The following CR1L variants were observed in gnomAD, a reference collection of about 807,000 sequenced individuals.
The protein encoded by CR1L is complement C3b/C4b receptor 1 like, also known as complement component receptor 1-like protein.
CR1L carries 59 observed loss-of-function variants against 62.3 expected under a neutral mutation model. That is an observed-to-expected ratio of 0.95 (90% CI 0.77 to 1.18). The LOEUF (loss-of-function observed/expected upper bound fraction) is 1.18, where lower values mean the gene tolerates loss of function less well. Ranked by LOEUF, CR1L falls within the 50% of genes most tolerant of loss-of-function variation. The pLI, the probability that CR1L is intolerant of heterozygous loss-of-function variation, is 0.00. For missense variants in CR1L, 700 were observed against 702.8 expected, an observed-to-expected ratio of 1.00 and a Z score of 0.04; for synonymous variants, 279 against 248.7, an observed-to-expected ratio of 1.12 and a Z score of -1.15.
chr1:207,653,134 TG>T, intron 1 of CR1L: 1 of 174,344 alleles, frequency 5.7e-6, no homozygotes, highest in Non-Finnish European at 1.2e-5. Flanking sequence ...TCCTTGCAAA[TG>T]GGACTTATGA....
At chr1:207,672,378 G>C (rs897346233) in intron 1 of CR1L, among the ~76,000 whole-genome samples, 2 of 144,268 alleles carry the variant, frequency 1.4e-5, no homozygotes, top group Non-Finnish European at 2.9e-5. Flanking sequence ...CAAAATATGT[G>C]GGGCAAAGCT....
intron 4 of CR1L, among the ~76,000 whole-genome samples, chr1:207,692,853 A>T (rs1664018076): frequency 6.6e-6 from 1 of 152,178 alleles, no homozygotes; most frequent in African/African-American, 2.4e-5. Flanking sequence ...TCTCTATCAT[A>T]AAGATCCTAA....
At chr1:207,697,008 G>C (rs1173719864) in intron 5 of CR1L, among the ~76,000 whole-genome samples, 1 of 152,218 alleles carries the variant, frequency 6.6e-6, no homozygotes, top group Non-Finnish European at 1.5e-5. Flanking sequence ...GAGAAGACTT[G>C]AAAGGAGAAG....
At chr1:207,705,802 A>T (rs904891612) in intron 9 of CR1L, among the ~76,000 whole-genome samples, 1 of 152,106 alleles carries the variant, frequency 6.6e-6, no homozygotes, top group East Asian at 1.9e-4. Context: ...GACCAATTTT[A>T]AAAAATCAGG....
intron 2 of CR1L, among the ~76,000 whole-genome samples, chr1:207,677,966 C>T (rs1157050245): frequency 6.6e-6 from 1 of 152,174 alleles, no homozygotes; most frequent in African/African-American, 2.4e-5. Flanking sequence ...ACGAAGTTTA[C>T]ATTTTTCTGG....
intron 1 of CR1L, among the ~76,000 whole-genome samples, chr1:207,654,099 T>C (rs1300499816): frequency 6.6e-6 from 1 of 152,222 alleles, no homozygotes; most frequent in African/African-American, 2.4e-5. Flanking sequence ...TTATCCCTCT[T>C]AATGCCCTAA....
chr1:207,648,400 A>G (rs1440437675), intron 1 of CR1L, among the ~76,000 whole-genome samples: 1 of 143,772 alleles, frequency 7.0e-6, no homozygotes, highest in Admixed American at 6.9e-5. Flanking sequence ...CAGGTATGAA[A>G]CCTAGAGAAA....
At chr1:207,700,028 CA>C (rs1288103501) in intron 8 of CR1L, among the ~76,000 whole-genome samples, 5 of 151,952 alleles carry the variant, frequency 3.3e-5, no homozygotes, top group Non-Finnish European at 7.4e-5. Context: ...AATAATAAGT[CA>C]TTTTTTTAAA....
At chr1:207,706,732 GAC>G (rs1263632778) in intron 9 of CR1L, among the ~76,000 whole-genome samples, 4 of 152,008 alleles carry the variant, frequency 2.6e-5, no homozygotes, top group African/African-American at 9.7e-5. Context: ...AATAAGCAAA[GAC>G]ACAAAAATTG....
At chr1:207,710,493 G>C in intron 10 of CR1L, 5 of 1,607,190 alleles carry the variant, frequency 3.1e-6, no homozygotes, top group Middle Eastern at 2.1e-4. Flanking sequence ...CTTGGAAGCA[G>C]AGGGAGAAAG....
intron 4 of CR1L, among the ~76,000 whole-genome samples, chr1:207,686,436 G>A (rs894640512): frequency 3.3e-5 from 5 of 151,906 alleles, no homozygotes; most frequent in African/African-American, 1.2e-4. Flanking sequence ...TTTGAAACAT[G>A]TTGAAGTTTA....
intron 1 of CR1L, among the ~76,000 whole-genome samples, chr1:207,672,907 C>T (rs1457578285): frequency 2.0e-5 from 3 of 152,092 alleles, no homozygotes; most frequent in Admixed American, 6.5e-5. Flanking sequence ...ACTTCACATT[C>T]GGACAGGCAA....
intron 3 of CR1L, among the ~76,000 whole-genome samples, chr1:207,678,501 ACC>A (rs201394167): frequency 0.012 from 1,900 of 152,314 alleles, 17 homozygotes; most frequent in Non-Finnish European, 0.022. Flanking sequence ...CTTGCTGGAA[ACC>A]AAGGCAGAGC....
At chr1:207,702,944 G>A (rs766261108) in intron 9 of CR1L, among the ~76,000 whole-genome samples, 11 of 152,154 alleles carry the variant, frequency 7.2e-5, no homozygotes, top group Non-Finnish European at 1.3e-4. Flanking sequence ...TTAACCAGGC[G>A]TTGTGGCGGG....
At chr1:207,645,567 A>T (rs1663108306) in intron 1 of CR1L, among the ~76,000 whole-genome samples, 1 of 152,164 alleles carries the variant, frequency 6.6e-6, no homozygotes, top group Non-Finnish European at 1.5e-5. Flanking sequence ...TTTACGCAGG[A>T]TCTGGCTGCG....
intron 1 of CR1L, among the ~76,000 whole-genome samples, chr1:207,665,375 C>T (rs750439135): frequency 1.3e-5 from 2 of 149,120 alleles, no homozygotes; most frequent in African/African-American, 2.5e-5. Context: ...TCCTTACATA[C>T]TTGTGCAAAT....
chr1:207,683,356 C>A (rs1359210043), intron 3 of CR1L, among the ~76,000 whole-genome samples: 1 of 152,036 alleles, frequency 6.6e-6, no homozygotes, highest in East Asian at 1.9e-4. Flanking sequence ...AGGCTTCTCT[C>A]GAACTCCTGA....
At chr1:207,694,895 A>G (rs1664051249) in intron 5 of CR1L, 144 bp downstream of exon 5, 1 of 1,464,450 alleles carries the variant, frequency 6.8e-7, no homozygotes, top group African/African-American at 1.4e-5. Flanking sequence ...TGAAATTCAG[A>G]AGGTGTGTGT....
intron 8 of CR1L, among the ~76,000 whole-genome samples, chr1:207,700,806 A>G (rs571204814): frequency 6.6e-6 from 1 of 152,330 alleles, no homozygotes; most frequent in South Asian, 2.1e-4. Flanking sequence ...AGTGGCTGAC[A>G]CAGGATAAGT....
Sources: allele counts gnomAD v4.1 joint callset (sites outside exome capture counted in the v4.1 genomes callset), GRCh38; gene constraint gnomAD v4.1.1; transcripts MANE v1.5; gene names NCBI Gene and HGNC (gene_info 2026-07-23, HGNC 2026-07-21).